RAB2A: variants seen among roughly 807,000 people sequenced by gnomAD.
The protein encoded by RAB2A is ras-related protein Rab-2A.
In RAB2A, 7 loss-of-function variants were observed where a neutral mutation model predicts 32.5. The ratio of observed to expected loss-of-function variants is 0.22; its 90% CI spans 0.12 to 0.40. The LOEUF (loss-of-function observed/expected upper bound fraction) is 0.40, where lower values mean the gene tolerates loss of function less well. Among genes scored for constraint, RAB2A ranks in the 10% least tolerant of loss-of-function variants. The pLI is 1.00. For missense variants in RAB2A, 108 were observed against 260.7 expected (o/e 0.41, Z 4.03); for synonymous variants, 79 against 85.2 (o/e 0.93, Z 0.40).
intron 1 of RAB2A, among the ~76,000 whole-genome samples, chr8:60,519,763 A>C (rs962480372): frequency 3.9e-5 from 6 of 152,104 alleles, no homozygotes; most frequent in Non-Finnish European, 7.4e-5. Flanking sequence ...TGTATATTTA[A>C]CTAATAAGAG....
Position 60,591,869 on chromosome 8 carries a change from C to G in RAB2A, c.374C>G (p.Ser125Cys). The G allele has an allele frequency of 6.2e-7, 1 of 1,604,842 alleles. No individual in the cohort carries two copies. Among genetic ancestry groups the G allele is most frequent in the Non-Finnish European group, 8.5e-7 (1 of 1,172,448 alleles). Reference protein sequence around the residue: ...MLIGNKSDLESRREVKKEEGE... With the variant: ...MLIGNKSDLECRREVKKEEGE... ...TTTCCCATGTTTAGTGATTTAGAATCTAGAAGAGAAGTAAAAAAAGAAGAA... is the reference window on the plus strand; with the variant it reads ...TTTCCCATGTTTAGTGATTTAGAATGTAGAAGAGAAGTAAAAAAAGAAGAA... The change falls in exon 6 of 8, where the codon TCT becomes TGT. Residue 125 changes from serine (S) to cysteine (C), a missense_variant. By Grantham distance (112) the Ser-to-Cys change is moderately radical (BLOSUM62 -1). This residue lies in a region of RAB2A where 79 missense variants were observed against 199.8 expected (regional missense o/e 0.40). Transcript: ENST00000262646.
intron 2 of RAB2A, among the ~76,000 whole-genome samples, chr8:60,568,059 A>G (rs1300009994): frequency 6.6e-6 from 1 of 152,220 alleles, no homozygotes; most frequent in Non-Finnish European, 1.5e-5. Context: ...AATTAGGAAA[A>G]ATCAGGCCAC....
At chr8:60,604,026 TGATTA>T (rs1804182411) in intron 6 of RAB2A, among the ~76,000 whole-genome samples, 1 of 151,844 alleles carries the variant, frequency 6.6e-6, no homozygotes. Flanking sequence ...TGGTGGGAGG[TGATTA>T]GATCACGGGA....
chr8:60,608,439 T>TCA (rs1178860166), intron 6 of RAB2A, among the ~76,000 whole-genome samples: 1 of 151,826 alleles, frequency 6.6e-6, no homozygotes, highest in Non-Finnish European at 1.5e-5. Flanking sequence ...TCTCTTTCTC[T>TCA]CTCTCTCTCT....
chr8:60,518,118 A>G (rs1256277778), intron 1 of RAB2A, among the ~76,000 whole-genome samples: 1 of 152,206 alleles, frequency 6.6e-6, no homozygotes, highest in African/African-American at 2.4e-5. Context: ...ACTTAAAATG[A>G]CGTCCTAGTA....
chr8:60,607,343 G>A (rs1288908491), intron 6 of RAB2A, among the ~76,000 whole-genome samples: 1 of 147,648 alleles, frequency 6.8e-6, no homozygotes, highest in Non-Finnish European at 1.5e-5. Context: ...GCAGGAGAAT[G>A]GCATGAACCC....
At chr8:60,605,853 A>ATATATATATATATAT (rs201989396) in intron 6 of RAB2A, among the ~76,000 whole-genome samples, 36 of 114,990 alleles carry the variant, frequency 3.1e-4, no homozygotes, top group South Asian at 9.5e-4. Flanking sequence ...ATATATATAT[A>ATATATATATATATAT]ATGCTTCATT....
rs1271301168 is a variant in RAB2A, at chr8:60,547,448, G to T, written c.47-11404G>T. Among the ~76,000 whole-genome samples the T allele has an allele frequency of 2.6e-5, 4 of 152,032 alleles. No homozygotes were observed. In the East Asian group the frequency reaches 5.8e-4, roughly 22 times the overall value. On this transcript the variant is annotated intron_variant, in intron 1 of 7. Coordinates refer to ENST00000262646, the MANE Select transcript of RAB2A (RefSeq NM_002865.3). The stretch of plus-strand genomic sequence containing the variant: ...GACGGGGTGGTGGCCGGGCAGAGGG[G>T]CTCCTCACTTCCCAGTAGGCGCGGC...
chr8:60,532,883 A>G (rs1807498558), intron 1 of RAB2A, among the ~76,000 whole-genome samples: 1 of 152,256 alleles, frequency 6.6e-6, no homozygotes, highest in South Asian at 2.1e-4. Flanking sequence ...GGGAAGGAGC[A>G]TGCTGCTATG....
At chr8:60,537,656 C>A (rs2703425) in intron 1 of RAB2A, among the ~76,000 whole-genome samples, 1 of 152,092 alleles carries the variant, frequency 6.6e-6, no homozygotes, top group African/African-American at 2.4e-5. Flanking sequence ...TCCTACAATT[C>A]TAAGAGGTAT....
intron 6 of RAB2A, among the ~76,000 whole-genome samples, chr8:60,607,877 C>T (rs1391699863): frequency 1.3e-5 from 2 of 152,228 alleles, no homozygotes; most frequent in African/African-American, 4.8e-5. Context: ...CCCTTTCCTT[C>T]TCTATTGATT....
intron 3 of RAB2A, among the ~76,000 whole-genome samples, chr8:60,577,889 G>GC (rs1275895052): frequency 7.1e-6 from 1 of 140,162 alleles, no homozygotes; most frequent in African/African-American, 2.7e-5. Context: ...TGATCCACCC[G>GC]CCTCAGCTTC....
chr8:60,525,829 A>G (rs1209706509), intron 1 of RAB2A, among the ~76,000 whole-genome samples: 2 of 151,708 alleles, frequency 1.3e-5, no homozygotes, highest in Non-Finnish European at 2.9e-5. Context: ...GGTAGGCTGC[A>G]TGCATTGACC....
intron 2 of RAB2A, among the ~76,000 whole-genome samples, chr8:60,561,556 C>T (rs1808026211): frequency 6.6e-6 from 1 of 152,138 alleles, no homozygotes; most frequent in Non-Finnish European, 1.5e-5. Flanking sequence ...ATTTTTCTCT[C>T]TCCCTGTTGA....
At chr8:60,525,900 G>GT (rs893195706) in intron 1 of RAB2A, among the ~76,000 whole-genome samples, 1 of 147,422 alleles carries the variant, frequency 6.8e-6, no homozygotes, top group African/African-American at 2.5e-5. Flanking sequence ...ATATTTTTTA[G>GT]TTTTTTTAAT....
At chr8:60,554,384 A>G (rs1456106647) in intron 1 of RAB2A, among the ~76,000 whole-genome samples, 2 of 152,202 alleles carry the variant, frequency 1.3e-5, no homozygotes, top group Non-Finnish European at 2.9e-5. Context: ...TCTTTTAAGT[A>G]TGATCTATTG....
At chr8:60,598,937 C>CAAAAAAAAAAAAAAAAAAAAAAAAA (rs56406651) in intron 6 of RAB2A, among the ~76,000 whole-genome samples, 4 of 40,386 alleles carry the variant, frequency 9.9e-5, no homozygotes, top group East Asian at 8.5e-4. Flanking sequence ...TGCAGTAAAG[C>CAAAAAAAAAAAAAAAAAAAAAAAAA]AAAAAAAAAA....
At chr8:60,619,760 G>A (rs1203311671) in intron 7 of RAB2A, among the ~76,000 whole-genome samples, 1 of 152,168 alleles carries the variant, frequency 6.6e-6, no homozygotes, top group Non-Finnish European at 1.5e-5. Flanking sequence ...CTGCTTTACT[G>A]TGCCTTATGC....
At chr8:60,576,361 T>C in intron 3 of RAB2A, 1 of 433,788 alleles carries the variant, frequency 2.3e-6, no homozygotes, top group Non-Finnish European at 4.6e-6. Context: ...GTTCTTTTTC[T>C]CTTACTTTTT....
Sources: gnomAD v4.1 joint callset for allele counts (sites outside exome capture counted in the v4.1 genomes callset) on GRCh38, gnomAD v4.1.1 for gene constraint, gnomAD v4.1.1 regional missense constraint, MANE v1.5 for transcripts, NCBI Gene and HGNC (gene_info 2026-07-23, HGNC 2026-07-21) for gene names.